AMY2B: variants seen among roughly 807,000 people sequenced by gnomAD.
AMY2B encodes the protein alpha-amylase 2B.
AMY2B carries 63 observed loss-of-function variants against 59.3 expected under a neutral mutation model. The observed-to-expected ratio is 1.06, with a 90% CI of 0.87 to 1.31. AMY2B has a LOEUF of 1.31. AMY2B is among the 50% of genes most tolerant of loss of function. The probability of loss-of-function intolerance (pLI) is 0.00; values close to 1 mark genes in which losing one functional copy is unlikely to be tolerated. For missense variants in AMY2B, 635 were observed against 626.7 expected (o/e 1.01, Z -0.14); for synonymous variants, 180 against 198.1 (o/e 0.91, Z 0.77).
At chr1:103,574,512 A>C in intron 5 of AMY2B, 119 bp downstream of exon 5, 1 of 1,567,706 alleles carries the variant, frequency 6.4e-7, no homozygotes, top group Non-Finnish European at 8.6e-7. Context: ...TCAATTGTTA[A>C]TGATAAGTAT....
chr1:103,564,616 G>A (rs745332392), intron 1 of AMY2B, among the ~76,000 whole-genome samples: 10 of 151,962 alleles, frequency 6.6e-5, no homozygotes, highest in Non-Finnish European at 1.2e-4. Context: ...GCCCTCAAGG[G>A]TACAACTCTC....
rs529127807 is a variant in AMY2B at position 103,560,906 on chromosome 1, A to G, written c.-206-4529A>G. Among the ~76,000 whole-genome samples the G allele has an allele frequency of 2.0e-5, 3 of 152,280 alleles. No homozygotes were observed. In the East Asian group the frequency reaches 5.8e-4, roughly 29 times the overall value. ...ATTAGTAGGTAAGAGCTCACTGTGG[A>G]GTTAGGCTTCTTGGCTTTGAAATTC... On this transcript the variant is annotated intron_variant, in intron 1 of 11. Coordinates refer to the AMY2B transcript ENST00000361355.
chr1:103,572,027 T>G, intron 1 of AMY2B, 83 bp from the exon 2 acceptor site: 4 of 1,590,854 alleles, frequency 2.5e-6, no homozygotes, highest in Non-Finnish European at 2.6e-6. Flanking sequence ...ATTCAAGAAT[T>G]TTTTATATTA....
intron 2 of AMY2B, 64 bp downstream of exon 2, chr1:103,572,320 T>G: frequency 6.4e-7 from 1 of 1,573,340 alleles, no homozygotes; most frequent in Non-Finnish European, 8.6e-7. Flanking sequence ...CTCTTCTTTC[T>G]TGCTCCTTTT....
chr1:103,569,950 C>T (rs943239511), upstream of AMY2B: 14 of 466,570 alleles, frequency 3.0e-5, no homozygotes, highest in African/African-American at 1.0e-4. Context: ...TGGCCATGTA[C>T]GTGGCCATCC....
intron 5 of AMY2B, 91 bp from the exon 6 acceptor site, chr1:103,575,132 G>T: frequency 6.4e-7 from 1 of 1,571,032 alleles, no homozygotes; most frequent in Non-Finnish European, 8.7e-7. Flanking sequence ...ATCTTCAGAT[G>T]CCATGCCATG....
intron 1 of AMY2B, among the ~76,000 whole-genome samples, chr1:103,559,173 A>C (rs565740305): frequency 6.6e-6 from 1 of 152,222 alleles, no homozygotes; most frequent in African/African-American, 2.4e-5. Flanking sequence ...TGCATGGTGA[A>C]TACAGTCGTG....
intron 1 of AMY2B, among the ~76,000 whole-genome samples, chr1:103,560,104 T>C (rs1022991752): frequency 1.1e-4 from 17 of 152,266 alleles, no homozygotes; most frequent in Admixed American, 1.1e-3. Context: ...ATATAGACAA[T>C]TAAAAAAATA....
Position 103,573,870 on chromosome 1 carries a change from T to C in AMY2B, c.676T>C (p.Leu226=). 1.2e-6 allele frequency: 2 copies of C among 1,613,882 alleles called. No individual in the cohort carries two copies. The highest frequency in any genetic ancestry group is 1.7e-6 in the Non-Finnish European group (2 of 1,179,790). Reference sequence around the variant, plus strand: ...GTGGCCTGGAGACATAAAGGCAATTTTGGACAAACTGCATAATCTAAACAG... The same window carrying C: ...GTGGCCTGGAGACATAAAGGCAATTCTGGACAAACTGCATAATCTAAACAG... ...HMWPGDIKAI[L]DKLHNLNSNW... The change falls in exon 4 of 10, where the codon TTG becomes CTG. Residue 226 remains leucine (L), a synonymous_variant. Transcript: ENST00000684275.
rs764725622 is a variant in AMY2B at position 103,573,045 on chromosome 1, A to G, written c.316-18A>G. 11 of 1,613,072 alleles carry G rather than the reference A, an allele frequency of 6.8e-6. No homozygotes were observed. The highest frequency in any genetic ancestry group is 2.2e-5 in the South Asian group (2 of 91,044). On this transcript the variant is annotated intron_variant, in intron 2 of 9. Transcript: ENST00000684275. ...GCCTCTCTGTAAGTCACACTGAAGTAGAAACTTTGCTTTCTAGGTTCGTAT... is the reference window on the plus strand; with the variant it reads ...GCCTCTCTGTAAGTCACACTGAAGTGGAAACTTTGCTTTCTAGGTTCGTAT...
intron 5 of AMY2B, 151 bp downstream of exon 5, chr1:103,574,544 C>G: frequency 3.4e-6 from 5 of 1,472,358 alleles, no homozygotes; most frequent in Non-Finnish European, 4.6e-6. Flanking sequence ...AAACTCTAAT[C>G]AATCATCTTT....
At chr1:103,576,192 C>CT (rs970119492) in intron 7 of AMY2B, among the ~76,000 whole-genome samples, 10 of 152,066 alleles carry the variant, frequency 6.6e-5, no homozygotes, top group Non-Finnish European at 1.3e-4. Context: ...AGAAGGTTTT[C>CT]TTTAAACTAA....
At chr1:103,565,657 C>T (rs564254421) in intron 2 of AMY2B, 2 of 148,432 alleles carry the variant, frequency 1.3e-5, no homozygotes, top group African/African-American at 2.4e-5. Context: ...TTCTGCAAAC[C>T]CCAGTCAAAC....
At chr1:103,561,289 C>T (rs750193464) in intron 1 of AMY2B, among the ~76,000 whole-genome samples, 11 of 151,848 alleles carry the variant, frequency 7.2e-5, no homozygotes, top group Non-Finnish European at 1.2e-4. Context: ...TGTTTTGAGA[C>T]GGAGTCTCAT....
intron 3 of AMY2B, 134 bp from the exon 4 acceptor site, chr1:103,573,574 A>G (rs1570647202): frequency 7.4e-7 from 1 of 1,358,878 alleles, no homozygotes; most frequent in East Asian, 2.3e-5. Flanking sequence ...GAATGTGAGC[A>G]TCCCCAGCGC....
At chr1:103,570,482 G>T, upstream of AMY2B, 1 of 673,054 alleles carries the variant, frequency 1.5e-6, no homozygotes, top group South Asian at 1.4e-5. Context: ...TCACCGACAG[G>T]ATGCAGAAGG....
chr1:103,573,881 G>A lies in AMY2B; in HGVS notation c.687G>A (p.Leu229=), dbSNP rs200464828. 1.2e-6 allele frequency: 2 copies of A among 1,613,806 alleles called. No individual in the cohort carries two copies. Among genetic ancestry groups the A allele is most frequent in the African/African-American group, 2.7e-5 (2 of 75,028 alleles). ...PGDIKAILDK[L]HNLNSNWFPA... ...ACATAAAGGCAATTTTGGACAAACTGCATAATCTAAACAGTAACTGGTTCC... is the reference window on the plus strand; with the variant it reads ...ACATAAAGGCAATTTTGGACAAACTACATAATCTAAACAGTAACTGGTTCC... Residue 229 remains leucine, a synonymous_variant, in exon 4 of 10, where the codon CTG becomes CTA. Transcript: ENST00000684275.
At chr1:103,558,673 G>A (rs1030444846) in intron 1 of AMY2B, among the ~76,000 whole-genome samples, 5 of 151,584 alleles carry the variant, frequency 3.3e-5, no homozygotes, top group South Asian at 2.1e-4. Context: ...TGAGGAGGGA[G>A]GACCACTTAA....
exon 1 of AMY2B, chr1:103,554,846 G>A (rs1038182572): frequency 6.6e-6 from 1 of 152,430 alleles, no homozygotes; most frequent in African/African-American, 2.4e-5. Context: ...TTTTTCTGTA[G>A]GCATAGTTAA....
Sources: gnomAD v4.1 joint callset for allele counts (sites outside exome capture counted in the v4.1 genomes callset) on GRCh38, gnomAD v4.1.1 for gene constraint, MANE v1.5 for transcripts, NCBI Gene and HGNC (gene_info 2026-07-23, HGNC 2026-07-21) for gene names.